The following DNAH2 variants were observed in gnomAD, a reference collection of about 807,000 sequenced individuals.
DNAH2 encodes the protein dynein axonemal heavy chain 2, also known as axonemal beta dynein heavy chain 2.
DNAH2 carries 323 observed loss-of-function variants against 523.5 expected under a neutral mutation model. The observed-to-expected ratio is 0.62, with a 90% CI of 0.56 to 0.68. DNAH2 has a LOEUF of 0.68. Among genes scored for constraint, DNAH2 ranks in the 30% least tolerant of loss-of-function variants. The pLI, the probability that DNAH2 is intolerant of heterozygous loss-of-function variation, is 0.00. For synonymous variants in DNAH2, 2,093 were observed against 2,177.4 expected (o/e 0.96, Z 1.08); for missense variants, 4,907 against 5,701.5 (o/e 0.86, Z 4.49).
rs200342632 is a variant in DNAH2, at chr17:7,781,074, C to T, written c.6036C>T (p.Ile2012=). The T allele has an allele frequency of 8.1e-6, 13 of 1,614,226 alleles. No homozygotes were observed. Among genetic ancestry groups the T allele is most frequent in the African/African-American group, 2.7e-5 (2 of 75,060 alleles). ...VLLLSMRDMN[I]AKLTSVDAPL... ...TGCTCTCAATGAGAGATATGAACAT[C>T]GCCAAGCTCACTTCAGTTGATGCAC... Residue 2012 remains isoleucine (I), a synonymous_variant, in exon 39 of 86, where the codon ATC becomes ATT. Coordinates refer to ENST00000572933, the MANE Select transcript of DNAH2 (RefSeq NM_020877.5).
intron 56 of DNAH2, among the ~76,000 whole-genome samples, chr17:7,799,631 A>T (rs750345294): frequency 6.6e-6 from 1 of 152,174 alleles, no homozygotes; most frequent in Non-Finnish European, 1.5e-5. Context: ...GCCGGCTAAC[A>T]TGGTGAAACC....
chr17:7,780,247 A>C lies in DNAH2; in HGVS notation c.5813A>C (p.Glu1938Ala), dbSNP rs536457542. The C allele has an allele frequency of 1.9e-6, 3 of 1,614,122 alleles. No homozygotes were observed. The South Asian group carries it at 3.3e-5, about 18-fold the overall frequency. Reference protein sequence around the residue: ...MVVPDSTLIAEIILFGEGFGN... With the variant: ...MVVPDSTLIAAIILFGEGFGN... ...GTGCCTGACTCCACCCTCATTGCAGAAATCATTCTCTTTGGAGAGGGCTTT... is the reference window on the plus strand; with the variant it reads ...GTGCCTGACTCCACCCTCATTGCAGCAATCATTCTCTTTGGAGAGGGCTTT... Residue 1938 changes from glutamate (E) to alanine (A), a missense_variant, in exon 37 of 86, where the codon GAA (glutamate) becomes GCA (alanine). Glu to Ala is a moderately radical substitution (Grantham distance 107). This residue lies in a region of DNAH2 where 2,806 missense variants were observed against 3,190.8 expected (regional missense o/e 0.88). Coordinates refer to ENST00000572933, the MANE Select transcript of DNAH2 (RefSeq NM_020877.5). This position sits in a 1 kb window ranked among gnomAD's most constrained non-coding sequence, Gnocchi z 4.4.
intron 77 of DNAH2, among the ~76,000 whole-genome samples, chr17:7,825,636 C>T (rs2077997550): frequency 6.6e-6 from 1 of 152,170 alleles, no homozygotes; most frequent in Non-Finnish European, 1.5e-5. Context: ...AGGGGAGGGC[C>T]AAAGAGGGGA....
Position 7,798,816 on chromosome 17 carries a change from C to T in DNAH2, c.8559+98C>T, listed in dbSNP as rs1286471913. 1.3e-6 allele frequency: 1 copy of T among 755,666 alleles called. No homozygotes were observed. Among genetic ancestry groups the T allele is most frequent in the Non-Finnish European group, 2.0e-6 (1 of 508,092 alleles). The allele number at this position is 755,666 out of a possible 1,614,324, so 46.8% of individuals were successfully genotyped here. A position where few individuals can be genotyped will look rare whatever the true frequency, so the allele number is the denominator to read the frequency against. ...CCCAGAATGTGCCACTGGCACACCCCCACTGCCACACCCCCACTGCCCACC... is the reference window on the plus strand; with the variant it reads ...CCCAGAATGTGCCACTGGCACACCCTCACTGCCACACCCCCACTGCCCACC... On this transcript the variant is annotated intron_variant, in intron 55 of 85. Transcript: ENST00000572933. The surrounding 1 kb of genome is among the most constrained non-coding windows in gnomAD (Gnocchi z 5.5).
At position 7,734,539 on chromosome 17, in the gene DNAH2, AAAAT is replaced by A; in HGVS notation, c.810_813del (p.Glu270AspfsTer2). 1 of 1,613,604 alleles carries A rather than the reference AAAAT, an allele frequency of 6.2e-7. No individual in the cohort carries two copies. The highest frequency in any genetic ancestry group is 8.5e-7 in the Non-Finnish European group (1 of 1,179,932). On this transcript the variant is annotated frameshift_variant, in exon 7 of 86. Transcript: ENST00000572933. LOFTEE classifies it high-confidence loss of function. ...GCCCAGGAGACTGTGGAGACAGGAG[AAAAT>A]TTAGGTCCTCTGGAGGAGATTGAGT...
At chr17:7,749,334 A>ATC (rs2075616359) in intron 12 of DNAH2, among the ~76,000 whole-genome samples, 7 of 146,106 alleles carry the variant, frequency 4.8e-5, no homozygotes, top group South Asian at 2.2e-4. Context: ...AAAAAAAAAA[A>ATC]AAAAAAAAAA....
At chr17:7,763,006 C>T (rs1414822297) in intron 18 of DNAH2, among the ~76,000 whole-genome samples, 1 of 151,550 alleles carries the variant, frequency 6.6e-6, no homozygotes, top group Admixed American at 6.6e-5. Flanking sequence ...GACAGAGTCT[C>T]ACCCTGTCAC....
intron 56 of DNAH2, 76 bp downstream of exon 56, chr17:7,799,318 G>T: frequency 6.4e-7 from 1 of 1,568,854 alleles, no homozygotes; most frequent in Non-Finnish European, 8.7e-7. Context: ...GTGCCTTCTG[G>T]AAATTAGTGT....
In DNAH2 at chr17:7,824,739, T is replaced by C. The variant is rs1204162184; in HGVS notation, c.11853+12T>C. The C allele has an allele frequency of 1.3e-6, 2 of 1,515,606 alleles. No homozygotes were observed. Among genetic ancestry groups the C allele is most frequent in the Non-Finnish European group, 1.8e-6 (2 of 1,119,024 alleles). 93.9% of individuals were successfully genotyped at this position (1,515,606 alleles called of 1,614,324 possible). On this transcript the variant is annotated intron_variant, in intron 77 of 85. Coordinates refer to ENST00000572933, the MANE Select transcript of DNAH2 (RefSeq NM_020877.5). ...CAGAGCCACCAAAGGTATGTGGCCATAGAGAACCAGCATCATCAGGGCCAT... is the reference window on the plus strand; with the variant it reads ...CAGAGCCACCAAAGGTATGTGGCCACAGAGAACCAGCATCATCAGGGCCAT...
At position 7,780,972 on chromosome 17, in the gene DNAH2, G is replaced by C; in HGVS notation, c.6004-70G>C. 4 of 1,609,090 alleles carry C rather than the reference G, an allele frequency of 2.5e-6. No individual in the cohort carries two copies. Among genetic ancestry groups the C allele is most frequent in the Non-Finnish European group, 3.4e-6 (4 of 1,178,208 alleles). On this transcript the variant is annotated intron_variant, in intron 38 of 85. Coordinates refer to ENST00000572933, the MANE Select transcript of DNAH2 (RefSeq NM_020877.5). This position sits in a 1 kb window ranked among gnomAD's most constrained non-coding sequence, Gnocchi z 4.4. The stretch of plus-strand genomic sequence containing the variant: ...ATCCATTGTTCTTGGCACGTGCCCC[G>C]AAGCCCTTTGGAGGTGAAAGGCCTA...
At chr17:7,805,697 T>A (rs2077349769) in intron 61 of DNAH2, among the ~76,000 whole-genome samples, 1 of 151,384 alleles carries the variant, frequency 6.6e-6, no homozygotes, top group South Asian at 2.1e-4. Flanking sequence ...CAAAAAAAAA[T>A]GCAAAAATTA....
chr17:7,730,259 C>T (rs2074946091), intron 4 of DNAH2, among the ~76,000 whole-genome samples: 1 of 152,010 alleles, frequency 6.6e-6, no homozygotes, highest in African/African-American at 2.4e-5. Flanking sequence ...TAGCAAGGAA[C>T]TGAATAGCTA....
chr17:7,798,436 G>A lies in DNAH2; in HGVS notation c.8398+112G>A. On this transcript the variant is annotated intron_variant, in intron 54 of 85. Transcript: ENST00000572933. This position sits in a 1 kb window ranked among gnomAD's most constrained non-coding sequence, Gnocchi z 5.5. ...TGGGCAGACGTGTCTGGCCCGTGTT[G>A]GGTGTAGGATGGTGTCGCGTGTATG... 1 of 1,533,802 alleles carries A rather than the reference G, an allele frequency of 6.5e-7. No individual in the cohort carries two copies. The highest frequency in any genetic ancestry group is 8.8e-7 in the Non-Finnish European group (1 of 1,138,534).
Position 7,807,350 on chromosome 17 carries a change from A to G in DNAH2, c.9612+31A>G. Reference sequence around the variant, plus strand: ...GGCGTCAGGGCTGGGGCGGGGCGGTAGGGAGGGCAGGCCTGGGGGAGTGCG... The same window carrying G: ...GGCGTCAGGGCTGGGGCGGGGCGGTGGGGAGGGCAGGCCTGGGGGAGTGCG... On this transcript the variant is annotated intron_variant, in intron 62 of 85. Coordinates refer to ENST00000572933, the MANE Select transcript of DNAH2 (RefSeq NM_020877.5). This position sits in a 1 kb window ranked among gnomAD's most constrained non-coding sequence, Gnocchi z 5.6. 1.3e-6 allele frequency: 2 copies of G among 1,540,676 alleles called. No homozygotes were observed. The highest frequency in any genetic ancestry group is 1.8e-6 in the Non-Finnish European group (2 of 1,135,168).
chr17:7,800,368 G>A (rs75695670), intron 56 of DNAH2, among the ~76,000 whole-genome samples: 4,813 of 152,114 alleles, frequency 0.032, 107 homozygotes, highest in Non-Finnish European at 0.051. Flanking sequence ...GTCTATCTGC[G>A]ACTTGCTTAT....
At chr17:7,762,220 A>G (rs1370568787) in intron 18 of DNAH2, among the ~76,000 whole-genome samples, 1 of 152,170 alleles carries the variant, frequency 6.6e-6, no homozygotes, top group Non-Finnish European at 1.5e-5. Flanking sequence ...TGTGGTAAAT[A>G]CTGTGATGAA....
intron 3 of DNAH2, among the ~76,000 whole-genome samples, chr17:7,724,786 A>G (rs2074743223): frequency 7.5e-6 from 1 of 132,640 alleles, no homozygotes; most frequent in Non-Finnish European, 1.5e-5. Flanking sequence ...TCCGTCGAGC[A>G]GGCTGGAGTG....
chr17:7,800,682 C>T (rs575256363), intron 56 of DNAH2, among the ~76,000 whole-genome samples: 8 of 150,008 alleles, frequency 5.3e-5, no homozygotes, highest in East Asian at 4.3e-4. Flanking sequence ...CTGGCTAACA[C>T]GGTGAAACCC....
intron 10 of DNAH2, 43 bp from the exon 11 acceptor site, chr17:7,740,767 G>A: frequency 6.3e-7 from 1 of 1,581,604 alleles, no homozygotes; most frequent in Non-Finnish European, 8.6e-7. Flanking sequence ...GAGGGAACCC[G>A]CCTTCCCGGG....
Sources: allele counts gnomAD v4.1 joint callset (sites outside exome capture counted in the v4.1 genomes callset), GRCh38; gene constraint gnomAD v4.1.1; regional missense constraint gnomAD v4.1.1; non-coding constraint Gnocchi (gnomAD v3.1); transcripts MANE v1.5; gene names NCBI Gene and HGNC (gene_info 2026-07-23, HGNC 2026-07-21).